PGAP6: variants seen among roughly 807,000 people sequenced by gnomAD.
The protein encoded by PGAP6 is post-GPI attachment to proteins 6.
PGAP6 carries 62 observed loss-of-function variants against 68.4 expected under a neutral mutation model. The ratio of observed to expected loss-of-function variants is 0.91; its 90% CI spans 0.74 to 1.12. PGAP6 has a LOEUF of 1.12. Ranked by LOEUF, PGAP6 falls within the 50% of genes most tolerant of loss-of-function variation. PGAP6 has a pLI of 0.00. For synonymous variants in PGAP6, 575 were observed against 474.0 expected, an observed-to-expected ratio of 1.21 and a Z score of -2.77; for missense variants, 1,188 against 1,068.5, an observed-to-expected ratio of 1.11 and a Z score of -1.56.
rs1261627288 is a variant in PGAP6, at chr16:376,258, AGTGCACC to A, written c.1095_1101del (p.Val366SerfsTer9). 6.2e-7 allele frequency: 1 copy of A among 1,612,518 alleles called. No homozygotes were observed. The highest frequency in any genetic ancestry group is 1.6e-4 in the Middle Eastern group (1 of 6,084). On this transcript the variant is annotated frameshift_variant, in exon 6 of 13. Coordinates refer to ENST00000431232, the MANE Select transcript of PGAP6 (RefSeq NM_021259.3). LOFTEE classifies it high-confidence loss of function. ...ACCGAGACCCTGTCCAGGGGCTGGA[AGTGCACC>A]GACACCACGTCCATGTCCTCCCGCG...
At chr16:379,192 C>T (rs1485336073) in intron 1 of PGAP6, among the ~76,000 whole-genome samples, 1 of 152,198 alleles carries the variant, frequency 6.6e-6, no homozygotes, top group African/African-American at 2.4e-5. Context: ...CCCACACACT[C>T]AGGAGCGCTG....
upstream of PGAP6, chr16:382,299 C>A (rs1597167947): frequency 2.6e-6 from 1 of 391,592 alleles, no homozygotes. Flanking sequence ...CCCAGCTCCG[C>A]TCGGCCGGGA....
intron 4 of PGAP6, 78 bp downstream of exon 4, chr16:376,959 A>G: frequency 6.3e-7 from 1 of 1,583,470 alleles, no homozygotes; most frequent in Non-Finnish European, 8.6e-7. Context: ...ACTCAGGGCC[A>G]GGCTCTCGCA....
chr16:377,588 G>C lies in PGAP6; in HGVS notation c.300-3C>G. ...GAGGGGCGCCGGAACGGAAGTGCCT[G>C]GAGACGGGAGAGCAGCACCGGGTTC... On this transcript the variant is annotated splice_polypyrimidine_tract_variant and splice_region_variant and intron_variant, in intron 2 of 12. Transcript: ENST00000431232. 1 of 1,572,312 alleles carries C rather than the reference G, an allele frequency of 6.4e-7. No homozygotes were observed. Among genetic ancestry groups the C allele is most frequent in the South Asian group, 1.2e-5 (1 of 86,314 alleles).
chr16:378,690 G>A (rs534300622), intron 1 of PGAP6, among the ~76,000 whole-genome samples: 5 of 152,196 alleles, frequency 3.3e-5, no homozygotes, highest in Non-Finnish European at 7.4e-5. Flanking sequence ...TCCATCCCTG[G>A]ATGGGTTGGC....
chr16:374,356 C>T lies in PGAP6; in HGVS notation c.1620G>A (p.Thr540=), dbSNP rs768553421. ...GTGTGGCCGCCCTCTGCTGGGCCAC[C>T]GTCTGGGCTGTGCTGTTGTCCGTGC... The part of the protein sequence containing the change: ...WSCTDNSTAQ[T]VAQQRAATLL... The change falls in exon 10 of 13, where the codon ACG becomes ACA. Residue 540 remains threonine, a synonymous_variant. Coordinates refer to ENST00000431232, the MANE Select transcript of PGAP6 (RefSeq NM_021259.3). The T allele has an allele frequency of 5.6e-6, 9 of 1,599,888 alleles. No individual in the cohort carries two copies. The highest frequency in any genetic ancestry group is 2.2e-5 in the East Asian group (1 of 44,812).
Position 377,818 on chromosome 16 carries a change from T to C in PGAP6, c.152A>G (p.Gln51Arg). 1 of 1,569,798 alleles carries C rather than the reference T, an allele frequency of 6.4e-7. No homozygotes were observed. Among genetic ancestry groups the C allele is most frequent in the Non-Finnish European group, 8.6e-7 (1 of 1,158,140 alleles). ...EVGLVSEHFS[Q>R]APQRLSFYSW... The stretch of plus-strand genomic sequence containing the variant: ...GTAGAAGGACAGCCTCTGCGGGGCC[T>C]GCGAGAAGTGCTCGGACACCAGCCC... Residue 51 changes from glutamine (Q) to arginine (R), a missense_variant, in exon 2 of 13, where the codon CAG (glutamine) becomes CGG (arginine). Transcript: ENST00000431232.
In PGAP6 at chr16:374,035, G is replaced by A. The variant is rs746554831; in HGVS notation, c.1872C>T (p.Cys624=). 9.3e-6 allele frequency: 15 copies of A among 1,611,548 alleles called. No individual in the cohort carries two copies. In the South Asian group the frequency reaches 1.1e-4, roughly 12 times the overall value. ...TCAGGACTGTCTTGAGCCGTGCCATGCACAGGATGGTGACCCAGATGGCCG... is the reference window on the plus strand; with the variant it reads ...TCAGGACTGTCTTGAGCCGTGCCATACACAGGATGGTGACCCAGATGGCCG... ...SGAAIWVTIL[C]MARLKTVLKY... Residue 624 remains cysteine (C), a synonymous_variant, in exon 11 of 13, where the codon TGC becomes TGT. Coordinates refer to ENST00000431232, the MANE Select transcript of PGAP6 (RefSeq NM_021259.3).
rs759541915 is a variant in PGAP6, at chr16:376,737, G to T, written c.711C>A (p.Cys237Ter). ...CCGGGCCCACGGTGAGACGCACGGG[G>T]CAGCCCAGGCTCCCATTGGACACGC... ...RDCVSNGSLG[C>*]PVRLTVGPVT... The change falls in exon 5 of 13, where the codon TGC becomes TGA. Residue 237 changes from cysteine to a stop codon, truncating the protein, a stop_gained. Coordinates refer to ENST00000431232, the MANE Select transcript of PGAP6 (RefSeq NM_021259.3). LOFTEE classifies it high-confidence loss of function. The T allele has an allele frequency of 1.9e-6, 3 of 1,611,508 alleles. No individual in the cohort carries two copies. The highest frequency in any genetic ancestry group is 2.5e-6 in the Non-Finnish European group (3 of 1,179,858).
In PGAP6 at chr16:377,152, T is replaced by TG. The variant is rs1196539637; in HGVS notation, c.519dup (p.Thr174HisfsTer9). 1 of 1,613,322 alleles carries TG rather than the reference T, an allele frequency of 6.2e-7. No homozygotes were observed. Among genetic ancestry groups the TG allele is most frequent in the Admixed American group, 1.7e-5 (1 of 60,008 alleles). On this transcript the variant is annotated frameshift_variant, in exon 4 of 13. Coordinates refer to ENST00000431232, the MANE Select transcript of PGAP6 (RefSeq NM_021259.3). LOFTEE classifies it high-confidence loss of function. ...TCAGGCTGGAAGACGTAGGCACAGGTGGGAGCCAAGCCCTAGGGAAAGAAC... is the reference window on the plus strand; with the variant it reads ...TCAGGCTGGAAGACGTAGGCACAGGTGGGGAGCCAAGCCCTAGGGAAAGAAC...
At chr16:373,958 G>A in intron 11 of PGAP6, 47 bp downstream of exon 11, 1 of 1,546,662 alleles carries the variant, frequency 6.5e-7, no homozygotes, top group African/African-American at 1.4e-5. Context: ...CTGCACTTGG[G>A]GGCCCTGCTC....
upstream of PGAP6, chr16:382,047 G>A (rs1395907858): frequency 1.3e-5 from 7 of 548,220 alleles, no homozygotes; most frequent in African/African-American, 2.1e-5. Context: ...GCGGGACCGG[G>A]GGGGGCGCGG....
At chr16:382,818 G>A (rs1462089485), upstream of PGAP6, among the ~76,000 whole-genome samples, 1 of 152,152 alleles carries the variant, frequency 6.6e-6, no homozygotes, top group African/African-American at 2.4e-5. Flanking sequence ...CCGACTGGGA[G>A]GTGGGGGACA....
chr16:377,242 G>A lies in PGAP6; in HGVS notation c.508-78C>T, dbSNP rs572322634. The A allele has an allele frequency of 1.6e-4, 251 of 1,601,808 alleles. 4 individuals are homozygous for A. The South Asian group carries it at 2.2e-3, about 14-fold the overall frequency. On this transcript the variant is annotated intron_variant, in intron 3 of 12. Transcript: ENST00000431232. Reference sequence around the variant, plus strand: ...GGGCATGGTCTCACCAGACGCCCCCGGCATGCAGGGAGCAGGGCTGGCCCC... The same window carrying A: ...GGGCATGGTCTCACCAGACGCCCCCAGCATGCAGGGAGCAGGGCTGGCCCC...
chr16:377,515 GTACCGCGGTGTCGT>G lies in PGAP6; in HGVS notation c.356_369del (p.Asp119AlafsTer59), dbSNP rs1174351390. 6.3e-7 allele frequency: 1 copy of G among 1,599,292 alleles called. No individual in the cohort carries two copies. The highest frequency in any genetic ancestry group is 8.5e-7 in the Non-Finnish European group (1 of 1,173,754). On this transcript the variant is annotated frameshift_variant, in exon 3 of 13. Coordinates refer to ENST00000431232, the MANE Select transcript of PGAP6 (RefSeq NM_021259.3). LOFTEE classifies it high-confidence loss of function. ...GGCACCCCGACCTGGAAGGAGGGCT[GTACCGCGGTGTCGT>G]CCGGGAAGCTGGTGCCCAGCGGGTT...
chr16:376,017 G>T, intron 6 of PGAP6, 119 bp downstream of exon 6: 1 of 1,077,390 alleles, frequency 9.3e-7, no homozygotes, highest in African/African-American at 1.6e-5. Context: ...GTCTTGGCCC[G>T]TGCCTGCTGG....
upstream of PGAP6, chr16:381,986 G>T (rs2054444263): frequency 3.2e-5 from 30 of 945,938 alleles, 1 homozygote; most frequent in South Asian, 8.6e-4. Flanking sequence ...ACTTCCGCCC[G>T]CAGGCCCCGC....
chr16:376,414 TC>T lies in PGAP6; in HGVS notation c.945del (p.Ser316AlafsTer61). ...PRSVTIQPLL[Q>X]SSQNQSFNAS... ...GCATTGAAGCTCTGGTTTTGGCTGC[TC>T]TGCAGAAGGGGCTGGATGGTCACGC... On this transcript the variant is annotated frameshift_variant, in exon 6 of 13. Transcript: ENST00000431232. LOFTEE classifies it high-confidence loss of function. 1 of 1,596,350 alleles carries T rather than the reference TC, an allele frequency of 6.3e-7. No individual in the cohort carries two copies. The highest frequency in any genetic ancestry group is 8.5e-7 in the Non-Finnish European group (1 of 1,169,830).
intron 10 of PGAP6, 34 bp downstream of exon 10, chr16:374,187 C>T: frequency 6.2e-7 from 1 of 1,610,612 alleles, no homozygotes; most frequent in Non-Finnish European, 8.5e-7. Flanking sequence ...TCCTGCCCTC[C>T]CACCCCACAT....
Sources: allele counts gnomAD v4.1 joint callset (sites outside exome capture counted in the v4.1 genomes callset), GRCh38; gene constraint gnomAD v4.1.1; transcripts MANE v1.5; gene names NCBI Gene and HGNC (gene_info 2026-07-23, HGNC 2026-07-21).